NMNAT3: variants seen among roughly 807,000 people sequenced by gnomAD.
NMNAT3 encodes nicotinamide nucleotide adenylyltransferase 3.
NMNAT3 carries 21 observed loss-of-function variants against 24.8 expected under a neutral mutation model. The observed-to-expected ratio is 0.85, with a 90% CI of 0.60 to 1.22. The LOEUF (loss-of-function observed/expected upper bound fraction) is 1.22, where lower values mean the gene tolerates loss of function less well. NMNAT3 is among the 50% of genes most tolerant of loss of function. The pLI, the probability that NMNAT3 is intolerant of heterozygous loss-of-function variation, is 0.00. For missense variants in NMNAT3, 387 were observed against 436.6 expected (o/e 0.89, Z 1.01); for synonymous variants, 136 against 155.2 (o/e 0.88, Z 0.92).
At chr3:139,582,092 G>C (rs2108112196) in intron 4 of NMNAT3, among the ~76,000 whole-genome samples, 1 of 150,808 alleles carries the variant, frequency 6.6e-6, no homozygotes, top group East Asian at 2.0e-4. Flanking sequence ...CTGCTAGCAA[G>C]GCTGAGGCAG....
chr3:139,622,838 AT>A (rs1287531811), intron 3 of NMNAT3, among the ~76,000 whole-genome samples: 10 of 120,872 alleles, frequency 8.3e-5, no homozygotes, highest in Middle Eastern at 3.8e-3. Flanking sequence ...TATAATATAT[AT>A]TATATATATT....
chr3:139,672,129 C>T (rs1046149332), intron 1 of NMNAT3, among the ~76,000 whole-genome samples: 4 of 152,176 alleles, frequency 2.6e-5, no homozygotes, highest in African/African-American at 4.8e-5. Flanking sequence ...CTCCTCTTTC[C>T]AGAACACTGT....
intron 5 of NMNAT3, 59 bp downstream of exon 5, chr3:139,578,813 A>G (rs10513083): frequency 0.29 from 415,257 of 1,453,880 alleles, 66,090 homozygotes; most frequent in East Asian, 0.62. Flanking sequence ...TTACCCTGTA[A>G]GCTCTGCAGA....
intron 3 of NMNAT3, chr3:139,599,239 G>T: frequency 1.5e-6 from 1 of 656,632 alleles, no homozygotes; most frequent in South Asian, 1.7e-5. Flanking sequence ...AAAAGCATTA[G>T]GTAATGCTCA....
chr3:139,583,385 G>C (rs2053758892), intron 3 of NMNAT3: 1 of 1,565,504 alleles, frequency 6.4e-7, no homozygotes, highest in South Asian at 1.1e-5. Context: ...GTAACATGTA[G>C]AGCAGTAGAA....
intron 1 of NMNAT3, among the ~76,000 whole-genome samples, chr3:139,644,126 C>T (rs1478085020): frequency 6.6e-6 from 1 of 152,148 alleles, no homozygotes; most frequent in African/African-American, 2.4e-5. Context: ...TTATGTAAGC[C>T]AACAAATACC....
In NMNAT3 at chr3:139,627,520, T is replaced by A; in HGVS notation, c.109+96A>T. The A allele has an allele frequency of 6.5e-6, 4 of 617,678 alleles. No homozygotes were observed. In the Middle Eastern group the frequency reaches 7.8e-4, roughly 120 times the overall value. The allele number at this position is 617,678 out of a possible 1,614,324, so 38.3% of individuals were successfully genotyped here. ...GCCACTAGTTATGCTGTGAATAAAT[T>A]GAGCTGTTTTAATAATAGTGATGCC... On this transcript the variant is annotated intron_variant, in intron 3 of 6. Transcript: ENST00000643695.
chr3:139,561,523 T>A, intron 6 of NMNAT3, 131 bp from the exon 7 acceptor site: 1 of 839,830 alleles, frequency 1.2e-6, no homozygotes, highest in Non-Finnish European at 1.8e-6. Flanking sequence ...GTTCATGACT[T>A]GAAAAGAAAA....
chr3:139,582,614 C>T (rs769624392), intron 4 of NMNAT3, among the ~76,000 whole-genome samples: 24 of 131,644 alleles, frequency 1.8e-4, no homozygotes, highest in Non-Finnish European at 3.2e-4. Flanking sequence ...TGCACTCCAG[C>T]CTGGGCAACA....
At chr3:139,603,207 T>C (rs182800231) in intron 3 of NMNAT3, among the ~76,000 whole-genome samples, 2 of 152,318 alleles carry the variant, frequency 1.3e-5, no homozygotes, top group African/African-American at 4.8e-5. Context: ...ACAGTAATTC[T>C]CCAAGAAGGG....
intron 3 of NMNAT3, among the ~76,000 whole-genome samples, chr3:139,593,008 A>G (rs1178065099): frequency 2.0e-5 from 3 of 152,150 alleles, no homozygotes; most frequent in Non-Finnish European, 2.9e-5. Context: ...TGCTCCAATT[A>G]AAAGACACAG....
At chr3:139,664,659 T>C (rs2057520858) in intron 1 of NMNAT3, among the ~76,000 whole-genome samples, 1 of 152,154 alleles carries the variant, frequency 6.6e-6, no homozygotes, top group African/African-American at 2.4e-5. Flanking sequence ...CCAAAACATT[T>C]CTATTATGTT....
At chr3:139,574,733 T>C in intron 5 of NMNAT3, among the ~76,000 whole-genome samples, 1 of 152,186 alleles carries the variant, frequency 6.6e-6, no homozygotes, top group Admixed American at 6.5e-5. Flanking sequence ...CACGTGGACC[T>C]CATCTGTAAA....
At chr3:139,615,281 A>G (rs1313816933) in intron 3 of NMNAT3, among the ~76,000 whole-genome samples, 1 of 152,204 alleles carries the variant, frequency 6.6e-6, no homozygotes, top group Non-Finnish European at 1.5e-5. Flanking sequence ...CTTTTAGTAT[A>G]AAATGGTACT....
intron 1 of NMNAT3, among the ~76,000 whole-genome samples, chr3:139,671,631 C>T (rs1186245568): frequency 1.3e-5 from 2 of 152,020 alleles, no homozygotes; most frequent in African/African-American, 4.8e-5. Flanking sequence ...CACACACACA[C>T]ACACAAACAT....
chr3:139,614,591 T>G (rs1285341896), intron 3 of NMNAT3, among the ~76,000 whole-genome samples: 2 of 152,268 alleles, frequency 1.3e-5, no homozygotes, highest in Non-Finnish European at 2.9e-5. Context: ...ACTTTAGGCT[T>G]GTCTGATGTT....
intron 5 of NMNAT3, chr3:139,577,898 A>G (rs1559867085): frequency 6.6e-6 from 1 of 152,252 alleles, no homozygotes; most frequent in Non-Finnish European, 1.5e-5. Flanking sequence ...TACCTCTACT[A>G]AAAAGGTAAA....
chr3:139,624,184 A>G (rs1436151985), intron 3 of NMNAT3, among the ~76,000 whole-genome samples: 3 of 152,056 alleles, frequency 2.0e-5, no homozygotes, highest in Non-Finnish European at 4.4e-5. Context: ...TCCTAATATA[A>G]TATTTCGTGC....
Position 139,561,164 on chromosome 3 carries a change from G to A in NMNAT3, c.887C>T (p.Ala296Val). ...GCCCAAGGCTCGCCTGATGTATGTG[G>A]CACTGATCTCATTCTGCACAGGCTC... The change falls in exon 7 of 7, where the codon GCC (alanine) becomes GTC (valine). Residue 296 changes from alanine (A) to valine (V), a missense_variant. This residue lies in a region of NMNAT3 where 323 missense variants were observed against 345.2 expected (regional missense o/e 0.94). Coordinates refer to ENST00000643695, the MANE Select transcript of NMNAT3 (RefSeq NM_001320510.2). The A allele has an allele frequency of 6.2e-7, 1 of 1,614,168 alleles. No individual in the cohort carries two copies. Among genetic ancestry groups the A allele is most frequent in the Non-Finnish European group, 8.5e-7 (1 of 1,180,032 alleles).
Sources: gnomAD v4.1 joint callset for allele counts (sites outside exome capture counted in the v4.1 genomes callset) on GRCh38, gnomAD v4.1.1 for gene constraint, gnomAD v4.1.1 regional missense constraint, MANE v1.5 for transcripts, NCBI Gene and HGNC (gene_info 2026-07-23, HGNC 2026-07-21) for gene names.